Variants in RGS7 observed in about 807,000 individuals in gnomAD.
RGS7 encodes regulator of G-protein signaling 7.
In RGS7, 27 loss-of-function variants were observed where a neutral mutation model predicts 81.1. The observed-to-expected ratio is 0.33, with a 90% CI of 0.25 to 0.46. RGS7 has a LOEUF of 0.46. Ranked by LOEUF, RGS7 falls within the 20% of genes least tolerant of loss-of-function variation. RGS7 has a pLI of 1.00. For missense variants in RGS7, 396 were observed against 607.4 expected (o/e 0.65, Z 3.66); for synonymous variants, 208 against 207.7 (o/e 1.00, Z -0.01).
intron 2 of RGS7, among the ~76,000 whole-genome samples, chr1:241,122,251 T>C (rs2066328842): frequency 6.6e-6 from 1 of 152,214 alleles, no homozygotes; most frequent in Admixed American, 6.5e-5. Context: ...ATACCTTCTA[T>C]TTAGCATTCT....
intron 3 of RGS7, among the ~76,000 whole-genome samples, chr1:241,035,055 A>G (rs1172898839): frequency 1.3e-5 from 2 of 152,132 alleles, no homozygotes; most frequent in East Asian, 3.9e-4. Context: ...AGGTTTTTTC[A>G]TGCTGTGGAC....
At chr1:241,091,849 T>C (rs796276439) in intron 3 of RGS7, among the ~76,000 whole-genome samples, 19 of 152,254 alleles carry the variant, frequency 1.2e-4, no homozygotes, top group African/African-American at 4.6e-4. Flanking sequence ...ACTGTGCCAC[T>C]GTGCTCCAGC....
chr1:241,311,636 T>A (rs1353879504), intron 2 of RGS7, among the ~76,000 whole-genome samples: 1 of 152,196 alleles, frequency 6.6e-6, no homozygotes, highest in African/African-American at 2.4e-5. Flanking sequence ...TTTTATATAT[T>A]TCTATAGGGC....
intron 3 of RGS7, among the ~76,000 whole-genome samples, chr1:241,003,287 C>T (rs1216356188): frequency 6.6e-6 from 1 of 151,872 alleles, no homozygotes; most frequent in African/African-American, 2.4e-5. Context: ...CAGCGAAACC[C>T]TGTCTCTACT....
At chr1:241,306,491 T>C (rs62650664) in intron 2 of RGS7, among the ~76,000 whole-genome samples, 1,685 of 135,520 alleles carry the variant, frequency 0.012, 12 homozygotes, top group Middle Eastern at 0.027. Context: ...CACGCACACA[T>C]TGTTACACAA....
chr1:241,287,334 A>T (rs904794769), intron 2 of RGS7, among the ~76,000 whole-genome samples: 1 of 152,164 alleles, frequency 6.6e-6, no homozygotes, highest in Non-Finnish European at 1.5e-5. Flanking sequence ...AGGTGATTGA[A>T]TCATGGAGGC....
chr1:241,042,950 C>A (rs1273306251), intron 3 of RGS7, among the ~76,000 whole-genome samples: 1 of 142,856 alleles, frequency 7.0e-6, no homozygotes, highest in African/African-American at 2.7e-5. Flanking sequence ...AGCGATACTC[C>A]GTCTCAAAAA....
chr1:240,893,846 A>T (rs941844397), intron 6 of RGS7, among the ~76,000 whole-genome samples: 1 of 152,196 alleles, frequency 6.6e-6, no homozygotes, highest in Non-Finnish European at 1.5e-5. Flanking sequence ...GTGTCATTTT[A>T]ATTCCACTTT....
chr1:241,209,601 T>G (rs1471645015), intron 2 of RGS7, among the ~76,000 whole-genome samples: 1 of 152,120 alleles, frequency 6.6e-6, no homozygotes, highest in African/African-American at 2.4e-5. Context: ...TTTGGGAGGC[T>G]GAGGCAGGAG....
At chr1:240,953,708 C>A (rs1164429283) in intron 4 of RGS7, among the ~76,000 whole-genome samples, 2 of 151,712 alleles carry the variant, frequency 1.3e-5, no homozygotes, top group Admixed American at 6.6e-5. Flanking sequence ...GAAAGAAGAG[C>A]AATTTAAACC....
chr1:240,919,177 G>A (rs780865983), intron 6 of RGS7, among the ~76,000 whole-genome samples: 6 of 151,936 alleles, frequency 3.9e-5, no homozygotes, highest in African/African-American at 7.3e-5. Flanking sequence ...ATAATACTCC[G>A]TACAATCTCT....
At chr1:240,896,696 T>C (rs1409142547) in intron 6 of RGS7, among the ~76,000 whole-genome samples, 1 of 149,490 alleles carries the variant, frequency 6.7e-6, no homozygotes, top group African/African-American at 2.4e-5. Context: ...CCTTGTAGTA[T>C]AGTTTGAAGT....
In RGS7 at chr1:241,074,923, T is replaced by C. The variant is rs183216020; in HGVS notation, c.175+23743A>G. ...ATTTAAGTTTTGAATTAAGCCAAAT[T>C]GCTTAGCACAGAAGGCTGGTTTGGA... On this transcript the variant is annotated intron_variant, in intron 3 of 18. Coordinates refer to ENST00000440928, the MANE Select transcript of RGS7 (RefSeq NM_001364886.1). 4.2e-4 allele frequency among the ~76,000 whole-genome samples: 64 copies of C among 152,308 alleles called. No homozygotes were observed. The East Asian group carries it at 6.9e-3, about 17-fold the overall frequency.
At position 241,221,069 on chromosome 1, in the gene RGS7, G is replaced by GAGGAAGGAAGGAAGGA. The variant is rs2074961442; in HGVS notation, c.79-122308_79-122307insTCCTTCCTTCCTTCCT. The stretch of plus-strand genomic sequence containing the variant: ...AAAGAAAGAAAGAAAGAGAGAGAGA[G>GAGGAAGGAAGGAAGGA]AGAAAGGAAGGAAGGAAGGAAGAAA... On this transcript the variant is annotated intron_variant, in intron 2 of 18. Coordinates refer to ENST00000440928, the MANE Select transcript of RGS7 (RefSeq NM_001364886.1). Among the ~76,000 whole-genome samples the GAGGAAGGAAGGAAGGA allele has an allele frequency of 2.4e-5, 3 of 125,094 alleles. No individual in the cohort carries two copies. The South Asian group carries it at 8.7e-4, about 36-fold the overall frequency. The allele number at this position is 125,094 out of a possible 152,430, so 82.1% of individuals were successfully genotyped here. A position where few individuals can be genotyped will look rare whatever the true frequency, so the allele number is the denominator to read the frequency against.
chr1:240,999,869 C>T (rs958467548), intron 3 of RGS7, among the ~76,000 whole-genome samples: 1 of 152,160 alleles, frequency 6.6e-6, no homozygotes, highest in African/African-American at 2.4e-5. Context: ...TATCAAAGTG[C>T]TGCGACTACA....
intron 2 of RGS7, among the ~76,000 whole-genome samples, chr1:241,303,360 C>T (rs1318184301): frequency 6.6e-6 from 1 of 152,292 alleles, no homozygotes; most frequent in East Asian, 1.9e-4. Flanking sequence ...CCCCTTCGGC[C>T]ATGATTGTAA....
chr1:241,310,421 GAGTGTA>G (rs1157888981), intron 2 of RGS7, among the ~76,000 whole-genome samples: 81 of 142,706 alleles, frequency 5.7e-4, no homozygotes, highest in African/African-American at 2.4e-3. Flanking sequence ...GTGTGTGTGA[GAGTGTA>G]TGTGTGTCTG....
At chr1:241,169,937 T>C (rs2070602391) in intron 2 of RGS7, among the ~76,000 whole-genome samples, 2 of 151,974 alleles carry the variant, frequency 1.3e-5, no homozygotes, top group South Asian at 2.1e-4. Flanking sequence ...TGAGAACAGA[T>C]AGCTGCAGCA....
At chr1:241,034,766 C>G (rs73123782) in intron 3 of RGS7, among the ~76,000 whole-genome samples, 2 of 151,972 alleles carry the variant, frequency 1.3e-5, no homozygotes, top group African/African-American at 2.4e-5. Context: ...TAGAAGTTAT[C>G]GAGGCCATAG....
Sources: gnomAD v4.1 joint callset for allele counts (sites outside exome capture counted in the v4.1 genomes callset) on GRCh38, gnomAD v4.1.1 for gene constraint, MANE v1.5 for transcripts, NCBI Gene and HGNC (gene_info 2026-07-23, HGNC 2026-07-21) for gene names.